AHRR: variants seen among roughly 807,000 people sequenced by gnomAD.
AHRR encodes ahR repressor.
A neutral mutation model predicts 44.0 loss-of-function variants in AHRR; 28 were observed. The ratio of observed to expected loss-of-function variants is 0.64; its 90% CI spans 0.47 to 0.87. The LOEUF (loss-of-function observed/expected upper bound fraction) is 0.87. AHRR is among the 40% of genes least tolerant of loss of function. The pLI is 0.00. For missense variants in AHRR, 990 were observed against 953.9 expected, an observed-to-expected ratio of 1.04 and a Z score of -0.50; for synonymous variants, 434 against 407.0, an observed-to-expected ratio of 1.07 and a Z score of -0.80.
intron 5 of AHRR, among the ~76,000 whole-genome samples, chr5:417,650 G>C (rs768031756): frequency 5.9e-5 from 9 of 152,172 alleles, no homozygotes; most frequent in Non-Finnish European, 1.2e-4. Context: ...GTGCAGAGCA[G>C]CTTTGATTCC....
intron 4 of AHRR, among the ~76,000 whole-genome samples, chr5:393,193 G>A (rs543237262): frequency 9.9e-4 from 151 of 152,280 alleles, no homozygotes; most frequent in African/African-American, 3.3e-3. Context: ...GCTCTTCTGC[G>A]GTGATGTTCC....
rs771153694 is a variant in AHRR, at chr5:434,497, A to G, written c.1757A>G (p.His586Arg). ...TCTCGGCAACAGGTGTACATCTCGC[A>G]CCTGGGGCACGGCGTGCGGGGGGCT... ...PDSRQQVYIS[H>R]LGHGVRGAQP... The change falls in exon 11 of 11, where the codon CAC becomes CGC. Residue 586 changes from histidine to arginine, a missense_variant. Physicochemically the swap from His to Arg is conservative, Grantham distance 29. Coordinates refer to ENST00000684583, the MANE Select transcript of AHRR (RefSeq NM_001377236.1). 1 of 1,612,876 alleles carries G rather than the reference A, an allele frequency of 6.2e-7. No individual in the cohort carries two copies. The highest frequency in any genetic ancestry group is 1.3e-5 in the African/African-American group (1 of 74,908).
intron 4 of AHRR, among the ~76,000 whole-genome samples, chr5:381,045 G>T (rs1733959937): frequency 6.6e-6 from 1 of 152,230 alleles, no homozygotes; most frequent in Non-Finnish European, 1.5e-5. Context: ...ATGTCCAAGG[G>T]CAAGAGGAGA....
At position 388,398 on chromosome 5, in the gene AHRR, T is replaced by G. The variant is rs576273094; in HGVS notation, c.351+11682T>G. Among the ~76,000 whole-genome samples, 75 of 152,360 alleles carry G rather than the reference T, an allele frequency of 4.9e-4. No individual in the cohort carries two copies. Among genetic ancestry groups the G allele is most frequent in the African/African-American group, 1.8e-3 (73 of 41,588 alleles). ...CATCGATGGCTATGGGGAGGGTACC[T>G]GCCATTACCTCTGTTTATGCTTGGG... On this transcript the variant is annotated intron_variant, in intron 4 of 10. Transcript: ENST00000684583. The surrounding 1 kb of genome is among the most constrained non-coding windows in gnomAD (Gnocchi z 5.2).
intron 2 of AHRR, among the ~76,000 whole-genome samples, chr5:344,859 A>G (rs1483335125): frequency 1.3e-5 from 1 of 75,628 alleles, no homozygotes; most frequent in Non-Finnish European, 2.2e-5. Context: ...GGGGTGTGTG[A>G]GACTGTGCAG....
intron 7 of AHRR, among the ~76,000 whole-genome samples, chr5:426,623 A>ATGGG (rs1303454665): frequency 2.0e-5 from 3 of 148,028 alleles, no homozygotes; most frequent in African/African-American, 7.4e-5. Context: ...GGATGGACGG[A>ATGGG]TGGGTGGATG....
chr5:346,022 G>A (rs1742660069), intron 2 of AHRR, among the ~76,000 whole-genome samples: 1 of 152,210 alleles, frequency 6.6e-6, no homozygotes, highest in South Asian at 2.1e-4. Flanking sequence ...TGCCCAGGCT[G>A]ACGCTGGCCC....
In AHRR at chr5:437,752, T is replaced by A. The variant is rs931215864; in HGVS notation, c.*2918T>A. On this transcript the variant is annotated 3_prime_UTR_variant, in exon 11 of 11. Coordinates refer to ENST00000684583, the MANE Select transcript of AHRR (RefSeq NM_001377236.1). The stretch of plus-strand genomic sequence containing the variant: ...ACGTGGGTGTTGGCTCTGCCGGTTT[T>A]GTGGTGTGGGGACCCTACAGGAGGC... 2.0e-5 allele frequency: 3 copies of A among 152,386 alleles called. No individual in the cohort carries two copies. Among genetic ancestry groups the A allele is most frequent in the Non-Finnish European group, 4.4e-5 (3 of 68,042 alleles). The allele number at this position is 152,386 out of a possible 1,614,324, so 9.4% of individuals were successfully genotyped here.
chr5:422,394 A>T, intron 5 of AHRR: 1 of 369,330 alleles, frequency 2.7e-6, no homozygotes, highest in Non-Finnish European at 5.2e-6. Context: ...CGAGTCACAA[A>T]GAGTCCAAGT....
Position 417,085 on chromosome 5 carries a change from C to T in AHRR, c.441+3652C>T, listed in dbSNP as rs188405522. ...TGCAGGGCCCGAGTCTAGAGAAGGC[C>T]GCTTGGTCCGTATGTGCAGGGCCCG... On this transcript the variant is annotated intron_variant, in intron 5 of 10. Transcript: ENST00000684583. 6.8e-5 allele frequency among the ~76,000 whole-genome samples: 7 copies of T among 102,298 alleles called. No homozygotes were observed. In the East Asian group the frequency reaches 8.9e-4, roughly 13 times the overall value. 67.1% of individuals were successfully genotyped at this position (102,298 alleles called of 152,430 possible). A position where few individuals can be genotyped will look rare whatever the true frequency, so the allele number is the denominator to read the frequency against.
chr5:352,690 ATGGT>A (rs1742898559), intron 2 of AHRR, among the ~76,000 whole-genome samples: 1 of 145,044 alleles, frequency 6.9e-6, no homozygotes, highest in African/African-American at 2.6e-5. Context: ...GCTGTAGGGG[ATGGT>A]CACTGTGAGG....
At chr5:375,578 C>A (rs1743752927) in intron 3 of AHRR, among the ~76,000 whole-genome samples, 1 of 152,228 alleles carries the variant, frequency 6.6e-6, no homozygotes, top group Non-Finnish European at 1.5e-5. Flanking sequence ...GTTTTTATGC[C>A]ATCTCAAGGT....
In AHRR at chr5:404,146, A is replaced by T; in HGVS notation, c.352-9198A>T. The T allele has an allele frequency of 1.9e-6, 1 of 537,944 alleles. No individual in the cohort carries two copies. Among genetic ancestry groups the T allele is most frequent in the Non-Finnish European group, 3.6e-6 (1 of 281,516 alleles). The allele number at this position is 537,944 out of a possible 1,614,324, so 33.3% of individuals were successfully genotyped here. A position where few individuals can be genotyped will look rare whatever the true frequency, so the allele number is the denominator to read the frequency against. ...ACCCTTCTCCGTCTCTCTCAGCCTCAGCCGTTCCTGGTGGGTCTGCATTCC... is the reference window on the plus strand; with the variant it reads ...ACCCTTCTCCGTCTCTCTCAGCCTCTGCCGTTCCTGGTGGGTCTGCATTCC... On this transcript the variant is annotated intron_variant, in intron 4 of 10. Transcript: ENST00000684583. This position sits in a 1 kb window ranked among gnomAD's most constrained non-coding sequence, Gnocchi z 4.1.
chr5:376,844 T>C, intron 4 of AHRR, 128 bp downstream of exon 4: 1 of 805,102 alleles, frequency 1.2e-6, no homozygotes. Context: ...GGTTGTGAGG[T>C]TTATAACTGT....
chr5:366,808 C>G (rs747310086), intron 3 of AHRR, among the ~76,000 whole-genome samples: 2 of 152,084 alleles, frequency 1.3e-5, no homozygotes, highest in African/African-American at 4.8e-5. Context: ...GGTCTAATCA[C>G]GAGGAAACAC....
At chr5:344,186 G>A (rs1742479035) in intron 2 of AHRR, among the ~76,000 whole-genome samples, 1 of 151,128 alleles carries the variant, frequency 6.6e-6, no homozygotes, top group African/African-American at 2.4e-5. Flanking sequence ...CGCCCTCGGG[G>A]CCCTGAGCGG....
intron 2 of AHRR, among the ~76,000 whole-genome samples, chr5:348,394 T>A (rs1742751101): frequency 6.6e-6 from 1 of 151,894 alleles, no homozygotes; most frequent in African/African-American, 2.4e-5. Flanking sequence ...GTATTTCAGC[T>A]GAACTGCACG....
In AHRR at chr5:405,888, C is replaced by T. The variant is rs1276969794; in HGVS notation, c.352-7456C>T. Among the ~76,000 whole-genome samples the T allele has an allele frequency of 1.3e-5, 2 of 152,226 alleles. No individual in the cohort carries two copies. Among genetic ancestry groups the T allele is most frequent in the African/African-American group, 4.8e-5 (2 of 41,466 alleles). On this transcript the variant is annotated intron_variant, in intron 4 of 10. Transcript: ENST00000684583. The surrounding 1 kb of genome is among the most constrained non-coding windows in gnomAD (Gnocchi z 4.5). ...AAGGCTCTCGGTCTGAGGCTGCGTCCTTCTGGTGTGGCTTTCCTCCTGAAT... is the reference window on the plus strand; with the variant it reads ...AAGGCTCTCGGTCTGAGGCTGCGTCTTTCTGGTGTGGCTTTCCTCCTGAAT...
chr5:348,342 T>G (rs1280957333), intron 2 of AHRR, among the ~76,000 whole-genome samples: 1 of 152,072 alleles, frequency 6.6e-6, no homozygotes, highest in Non-Finnish European at 1.5e-5. Flanking sequence ...CCTTTTTTTT[T>G]TTTTTGCATT....
Sources: allele counts gnomAD v4.1 joint callset (sites outside exome capture counted in the v4.1 genomes callset), GRCh38; gene constraint gnomAD v4.1.1; non-coding constraint Gnocchi (gnomAD v3.1); transcripts MANE v1.5; gene names NCBI Gene and HGNC (gene_info 2026-07-23, HGNC 2026-07-21).